Variants in ATXN2 observed in about 807,000 individuals in gnomAD.
The protein encoded by ATXN2 is ataxin-2.
ATXN2 carries 37 observed loss-of-function variants against 138.6 expected under a neutral mutation model. That is an observed-to-expected ratio of 0.27 (90% CI 0.21 to 0.35). The LOEUF (loss-of-function observed/expected upper bound fraction) is 0.35. Ranked by LOEUF, ATXN2 falls within the 10% of genes least tolerant of loss-of-function variation. The probability of loss-of-function intolerance (pLI) is 1.00; values close to 1 mark genes in which losing one functional copy is unlikely to be tolerated. For synonymous variants in ATXN2, 549 were observed against 543.7 expected (o/e 1.01, Z -0.13); for missense variants, 1,216 against 1,480.3 (o/e 0.82, Z 2.93).
intron 18 of ATXN2, among the ~76,000 whole-genome samples, chr12:111,474,747 T>C (rs573713539): frequency 1.1e-4 from 16 of 152,344 alleles, no homozygotes; most frequent in African/African-American, 3.8e-4. Context: ...GGATGAAACA[T>C]GACTGGCCTA....
At position 111,452,899 on chromosome 12, in the gene ATXN2, G is replaced by C. The variant is rs1234571640; in HGVS notation, c.3440-59C>G. The C allele has an allele frequency of 2.0e-6, 3 of 1,536,760 alleles. No individual in the cohort carries two copies. The African/African-American group carries it at 4.2e-5, about 21-fold the overall frequency. ...ACTGGCAACACCACACATCAGCCTA[G>C]TGTCTCTGCAGCACATGATTGTAAA... is the stretch of plus-strand genomic sequence containing the variant. On this transcript the variant is annotated intron_variant, in intron 24 of 24. Transcript: ENST00000673436.
At chr12:111,589,827 G>A (rs565597963) in intron 1 of ATXN2, among the ~76,000 whole-genome samples, 3 of 152,248 alleles carry the variant, frequency 2.0e-5, no homozygotes, top group African/African-American at 7.2e-5. Context: ...GCTGAGATAG[G>A]AGGATCACTT....
chr12:111,522,710 C>T (rs928461368), intron 6 of ATXN2, among the ~76,000 whole-genome samples: 6 of 149,550 alleles, frequency 4.0e-5, no homozygotes, highest in East Asian at 4.0e-4. Flanking sequence ...ATTAGGAGTT[C>T]GGGACCAGCC....
intron 5 of ATXN2, among the ~76,000 whole-genome samples, chr12:111,528,655 G>A (rs1880638609): frequency 6.6e-6 from 1 of 152,192 alleles, no homozygotes. Context: ...ACAGAAGTGT[G>A]ATTCTATAAA....
At chr12:111,585,001 T>C (rs1367821528) in intron 1 of ATXN2, among the ~76,000 whole-genome samples, 1 of 152,146 alleles carries the variant, frequency 6.6e-6, no homozygotes, top group Non-Finnish European at 1.5e-5. Flanking sequence ...TTCTTATTCT[T>C]TTTCATTTTT....
chr12:111,563,912 C>G (rs1301846800), intron 1 of ATXN2, among the ~76,000 whole-genome samples: 1 of 152,164 alleles, frequency 6.6e-6, no homozygotes, highest in Non-Finnish European at 1.5e-5. Context: ...CAGTTTAGAT[C>G]TGTATTATAA....
chr12:111,590,877 T>C (rs1592936946), intron 1 of ATXN2, among the ~76,000 whole-genome samples: 1 of 151,938 alleles, frequency 6.6e-6, no homozygotes, highest in Non-Finnish European at 1.5e-5. Context: ...AAATGCATAA[T>C]GATCTGAGGT....
chr12:111,463,755 T>C (rs1476604213), intron 21 of ATXN2, among the ~76,000 whole-genome samples: 2 of 152,132 alleles, frequency 1.3e-5, no homozygotes, highest in African/African-American at 4.8e-5. Flanking sequence ...GATCTCTTGC[T>C]TAAGCTCAAG....
At chr12:111,481,173 G>A (rs1322288987) in intron 18 of ATXN2, among the ~76,000 whole-genome samples, 1 of 152,136 alleles carries the variant, frequency 6.6e-6, no homozygotes, top group Non-Finnish European at 1.5e-5. Flanking sequence ...GGCCGAGCGC[G>A]GTGGTGCACG....
chr12:111,526,649 C>A (rs577246816), intron 5 of ATXN2, among the ~76,000 whole-genome samples: 31 of 152,150 alleles, frequency 2.0e-4, no homozygotes, highest in Non-Finnish European at 3.8e-4. Flanking sequence ...AGGTGATCCA[C>A]CCACCTTGGC....
chr12:111,474,521 T>C (rs1461644059), intron 18 of ATXN2, among the ~76,000 whole-genome samples: 1 of 152,152 alleles, frequency 6.6e-6, no homozygotes, highest in Non-Finnish European at 1.5e-5. Context: ...GGGAGGATCC[T>C]TTGAGACCAG....
At chr12:111,475,595 ATTC>A (rs1592807985) in intron 18 of ATXN2, among the ~76,000 whole-genome samples, 1 of 149,668 alleles carries the variant, frequency 6.7e-6, no homozygotes, top group East Asian at 2.1e-4. Flanking sequence ...GGTTCAAGCA[ATTC>A]TTCTGCCTCA....
intron 18 of ATXN2, among the ~76,000 whole-genome samples, chr12:111,476,547 T>C (rs1876827966): frequency 6.6e-6 from 1 of 151,890 alleles, no homozygotes; most frequent in African/African-American, 2.4e-5. Flanking sequence ...AACAGTGGGT[T>C]TACCAACACA....
At chr12:111,577,319 G>A (rs1331176608) in intron 1 of ATXN2, among the ~76,000 whole-genome samples, 1 of 152,016 alleles carries the variant, frequency 6.6e-6, no homozygotes, top group Non-Finnish European at 1.5e-5. Flanking sequence ...AGGCTGGAGT[G>A]CAGTGGCACG....
chr12:111,581,581 G>C, intron 1 of ATXN2: 1 of 847,446 alleles, frequency 1.2e-6, no homozygotes, highest in South Asian at 1.3e-5. Context: ...CCCACTTCAT[G>C]AACTCCTGCT....
intron 24 of ATXN2, 132 bp from the exon 25 acceptor site, chr12:111,452,972 C>A: frequency 7.5e-7 from 1 of 1,325,982 alleles, no homozygotes; most frequent in African/African-American, 1.5e-5. Context: ...TTCGCTTTTC[C>A]CCCTCCCATC....
At chr12:111,575,240 G>A (rs1250706902) in intron 1 of ATXN2, among the ~76,000 whole-genome samples, 2 of 152,156 alleles carry the variant, frequency 1.3e-5, no homozygotes, top group African/African-American at 2.4e-5. Context: ...GGGCTGGAGC[G>A]CAGTGCTGTG....
At chr12:111,562,720 C>CAAAAAA (rs34625134) in intron 1 of ATXN2, among the ~76,000 whole-genome samples, 26 of 55,872 alleles carry the variant, frequency 4.7e-4, no homozygotes, top group Admixed American at 1.5e-3. Flanking sequence ...AACTCCATCT[C>CAAAAAA]AAAAAAAAAA....
intron 23 of ATXN2, chr12:111,454,740 G>T: frequency 2.8e-6 from 1 of 356,180 alleles, no homozygotes; most frequent in Non-Finnish European, 5.4e-6. Context: ...CGGGCACATG[G>T]CAAATTTGAG....
Sources: gnomAD v4.1 joint callset for allele counts (sites outside exome capture counted in the v4.1 genomes callset) on GRCh38, gnomAD v4.1.1 for gene constraint, MANE v1.5 for transcripts, NCBI Gene and HGNC (gene_info 2026-07-23, HGNC 2026-07-21) for gene names.